Variants in RBFOX1 observed in about 807,000 individuals in gnomAD.
The protein encoded by RBFOX1 is RNA binding protein fox-1 homolog 1.
In RBFOX1, 8 loss-of-function variants were observed where a neutral mutation model predicts 57.7. The observed-to-expected ratio is 0.14, with a 90% CI of 0.08 to 0.25. The LOEUF is 0.25. RBFOX1 is among the 10% of genes least tolerant of loss of function. The pLI is 1.00. For synonymous variants in RBFOX1, 326 were observed against 222.4 expected (o/e 1.47, Z -4.15); for missense variants, 611 against 548.5 (o/e 1.11, Z -1.14).
intron 1 of RBFOX1, among the ~76,000 whole-genome samples, chr16:6,116,066 T>C (rs2096493157): frequency 6.6e-6 from 1 of 152,164 alleles, no homozygotes; most frequent in African/African-American, 2.4e-5. Context: ...GTGGCACATA[T>C]ACACCATAGA....
At chr16:5,680,329 C>G (rs1481164217) in intron 3 of RBFOX1, among the ~76,000 whole-genome samples, 1 of 152,184 alleles carries the variant, frequency 6.6e-6, no homozygotes, top group Non-Finnish European at 1.5e-5. Flanking sequence ...AAAATCTTCA[C>G]TTTGCGGCCA....
chr16:5,256,361 A>C (rs529783878), intron 1 of RBFOX1, among the ~76,000 whole-genome samples: 3 of 152,158 alleles, frequency 2.0e-5, no homozygotes, highest in African/African-American at 4.8e-5. Flanking sequence ...GGGAATGTCA[A>C]GTTCGGGGAG....
intron 14 of RBFOX1, among the ~76,000 whole-genome samples, chr16:7,701,186 C>G (rs1297072729): frequency 1.3e-5 from 2 of 152,176 alleles, no homozygotes; most frequent in Non-Finnish European, 2.9e-5. Flanking sequence ...AGAGATGACT[C>G]CATGTTATCT....
intron 1 of RBFOX1, among the ~76,000 whole-genome samples, chr16:6,269,690 C>G (rs2074972297): frequency 6.6e-6 from 1 of 152,024 alleles, no homozygotes; most frequent in African/African-American, 2.4e-5. Flanking sequence ...TGAAGAAAAA[C>G]TAAAAGAATT....
At chr16:6,906,063 T>C (rs1440471529) in intron 3 of RBFOX1, among the ~76,000 whole-genome samples, 1 of 152,132 alleles carries the variant, frequency 6.6e-6, no homozygotes, top group Non-Finnish European at 1.5e-5. Context: ...TGAGCTCATC[T>C]CCACCTGATA....
In RBFOX1 at chr16:6,132,016, C is replaced by T. The variant is rs188746839; in HGVS notation, c.-127+112024C>T. Among the ~76,000 whole-genome samples, 429 of 152,308 alleles carry T rather than the reference C, an allele frequency of 2.8e-3. 3 individuals carry two copies. The highest frequency in any genetic ancestry group is 3.6e-3 in the Non-Finnish European group (243 of 68,028). ...TTGCTCTTTAATTAGCTTTTAGGAGCATATATTGTTTAGTATGATTATTTT... is the reference window on the plus strand; with the variant it reads ...TTGCTCTTTAATTAGCTTTTAGGAGTATATATTGTTTAGTATGATTATTTT... On this transcript the variant is annotated intron_variant, in intron 1 of 15. Coordinates refer to ENST00000550418, the MANE Select transcript of RBFOX1 (RefSeq NM_018723.4).
chr16:5,762,316 A>T (rs542294715), intron 3 of RBFOX1, among the ~76,000 whole-genome samples: 10 of 151,128 alleles, frequency 6.6e-5, no homozygotes, highest in Admixed American at 1.3e-4. Context: ...ATAAGACATA[A>T]TTTTTTCTCC....
At chr16:7,267,847 C>T (rs775725932) in intron 4 of RBFOX1, among the ~76,000 whole-genome samples, 2 of 152,178 alleles carry the variant, frequency 1.3e-5, no homozygotes, top group Admixed American at 6.5e-5. Flanking sequence ...CAGAGTGAGA[C>T]CCTGTCTCAA....
intron 1 of RBFOX1, among the ~76,000 whole-genome samples, chr16:6,252,880 T>G (rs1383711519): frequency 1.3e-5 from 2 of 152,166 alleles, no homozygotes; most frequent in Non-Finnish European, 2.9e-5. Context: ...CCCATCTAGA[T>G]GGCTAATAAT....
intron 2 of RBFOX1, among the ~76,000 whole-genome samples, chr16:5,574,174 A>G (rs1353681814): frequency 6.6e-6 from 1 of 152,184 alleles, no homozygotes; most frequent in Admixed American, 6.5e-5. Flanking sequence ...CTATGAGGGC[A>G]TCGAGTTCAT....
At chr16:6,491,896 A>G in intron 2 of RBFOX1, among the ~76,000 whole-genome samples, 1 of 152,176 alleles carries the variant, frequency 6.6e-6, no homozygotes, top group East Asian at 1.9e-4. Flanking sequence ...GAAGAGATTT[A>G]TGTAGCTATA....
intron 3 of RBFOX1, among the ~76,000 whole-genome samples, chr16:6,997,307 T>C (rs911845485): frequency 6.6e-6 from 1 of 152,174 alleles, no homozygotes; most frequent in Non-Finnish European, 1.5e-5. Flanking sequence ...TTTATATTTG[T>C]TAAAATAACA....
chr16:7,432,651 G>A (rs546694347), intron 4 of RBFOX1, among the ~76,000 whole-genome samples: 1 of 152,300 alleles, frequency 6.6e-6, no homozygotes, highest in South Asian at 2.1e-4. Flanking sequence ...ACACATGGGG[G>A]TAACTGTGTT....
chr16:5,260,206 G>C (rs141155246), intron 1 of RBFOX1, among the ~76,000 whole-genome samples: 1 of 152,086 alleles, frequency 6.6e-6, no homozygotes, highest in South Asian at 2.1e-4. Flanking sequence ...CACCAAAATG[G>C]GTTCTGAGTC....
intron 4 of RBFOX1, among the ~76,000 whole-genome samples, chr16:7,091,743 G>T (rs535628416): frequency 2.0e-5 from 3 of 152,098 alleles, no homozygotes; most frequent in Admixed American, 2.0e-4. Context: ...TCTGAATTCT[G>T]CATTTTCTTT....
intron 4 of RBFOX1, among the ~76,000 whole-genome samples, chr16:5,868,072 C>T (rs2057384903): frequency 6.6e-6 from 1 of 152,134 alleles, no homozygotes; most frequent in African/African-American, 2.4e-5. Context: ...ATGCTGACAA[C>T]ATAGGTAAAG....
intron 1 of RBFOX1, among the ~76,000 whole-genome samples, chr16:6,243,852 A>G (rs1036923282): frequency 6.6e-6 from 1 of 152,204 alleles, no homozygotes; most frequent in Non-Finnish European, 1.5e-5. Context: ...AAGACCATCC[A>G]GAGGGGAGTA....
At chr16:6,669,657 T>G (rs1445912107) in intron 3 of RBFOX1, among the ~76,000 whole-genome samples, 1 of 152,218 alleles carries the variant, frequency 6.6e-6, no homozygotes, top group Non-Finnish European at 1.5e-5. Flanking sequence ...TTTGCGTGTG[T>G]GTTTGAGTGT....
intron 1 of RBFOX1, among the ~76,000 whole-genome samples, chr16:6,232,923 G>T (rs1338877383): frequency 6.6e-6 from 1 of 152,172 alleles, no homozygotes; most frequent in Non-Finnish European, 1.5e-5. Flanking sequence ...GACAGCGTCA[G>T]TGCCAGCATA....
Sources: allele counts gnomAD v4.1 joint callset (sites outside exome capture counted in the v4.1 genomes callset), GRCh38; gene constraint gnomAD v4.1.1; transcripts MANE v1.5; gene names NCBI Gene and HGNC (gene_info 2026-07-23, HGNC 2026-07-21).